DTWD2: variants seen among roughly 807,000 people sequenced by gnomAD.
DTWD2 encodes tRNA-uridine aminocarboxypropyltransferase 2.
Under a neutral mutation model 31.8 loss-of-function variants are expected in DTWD2, and 39 were observed. The observed-to-expected ratio is 1.22, with a 90% CI of 0.95 to 1.60. The LOEUF (loss-of-function observed/expected upper bound fraction) is 1.60. DTWD2 is among the 40% of genes most tolerant of loss of function. DTWD2 has a pLI of 0.00. For missense variants in DTWD2, 515 were observed against 381.5 expected (o/e 1.35, Z -2.92); for synonymous variants, 180 against 142.8 (o/e 1.26, Z -1.86).
chr5:118,880,650 A>G (rs1390272154), intron 4 of DTWD2, among the ~76,000 whole-genome samples: 1 of 152,198 alleles, frequency 6.6e-6, no homozygotes, highest in Non-Finnish European at 1.5e-5. Flanking sequence ...TGTATTCATT[A>G]TTCTGAAAAC....
intron 1 of DTWD2, among the ~76,000 whole-genome samples, chr5:118,976,946 C>T (rs777197797): frequency 2.3e-4 from 35 of 152,166 alleles, no homozygotes; most frequent in Admixed American, 4.6e-4. Flanking sequence ...CAATAAAATA[C>T]TGGGAAACTG....
chr5:118,924,401 G>A (rs895450149), intron 4 of DTWD2, among the ~76,000 whole-genome samples: 3 of 152,066 alleles, frequency 2.0e-5, no homozygotes, highest in Non-Finnish European at 4.4e-5. Flanking sequence ...AACCTCACCG[G>A]TACATGATCT....
chr5:118,904,223 T>G (rs2149567243), intron 4 of DTWD2, among the ~76,000 whole-genome samples: 1 of 152,184 alleles, frequency 6.6e-6, no homozygotes, highest in East Asian at 1.9e-4. Flanking sequence ...ATACACATGT[T>G]TTAACCCAAA....
intron 1 of DTWD2, among the ~76,000 whole-genome samples, chr5:118,969,694 C>G (rs1482919467): frequency 2.0e-5 from 3 of 152,074 alleles, no homozygotes. Context: ...GGTCAGCAAC[C>G]TCAAAGATAG....
intron 4 of DTWD2, among the ~76,000 whole-genome samples, chr5:118,923,969 G>C (rs925295551): frequency 2.0e-5 from 3 of 152,196 alleles, no homozygotes; most frequent in Non-Finnish European, 4.4e-5. Flanking sequence ...TTCAAGAGCT[G>C]TCATAATTGC....
At chr5:118,864,461 G>C (rs960932485) in intron 4 of DTWD2, among the ~76,000 whole-genome samples, 1 of 149,894 alleles carries the variant, frequency 6.7e-6, no homozygotes, top group Non-Finnish European at 1.5e-5. Context: ...CAGCACACCA[G>C]CATGGCACAT....
intron 4 of DTWD2, among the ~76,000 whole-genome samples, chr5:118,883,313 A>G (rs143500215): frequency 3.2e-4 from 49 of 152,290 alleles, no homozygotes; most frequent in African/African-American, 1.2e-3. Flanking sequence ...GGTCAAAACC[A>G]TTCAACAAGT....
At chr5:118,857,555 A>T (rs184362837) in intron 4 of DTWD2, among the ~76,000 whole-genome samples, 51 of 152,264 alleles carry the variant, frequency 3.3e-4, no homozygotes, top group African/African-American at 1.2e-3. Context: ...ATATATTACA[A>T]ATATCTTCTC....
chr5:118,947,107 G>A lies in DTWD2; in HGVS notation c.219-2458C>T, dbSNP rs143934061. Reference sequence around the variant, plus strand: ...CACAGCTCTCAACGCCTGGTGGGACGGGGAGCAGCAGGTGAGCAAGTGCAG... The same window carrying A: ...CACAGCTCTCAACGCCTGGTGGGACAGGGAGCAGCAGGTGAGCAAGTGCAG... On this transcript the variant is annotated intron_variant, in intron 1 of 5. Coordinates refer to ENST00000510708, the MANE Select transcript of DTWD2 (RefSeq NM_173666.4). 2.4e-3 allele frequency among the ~76,000 whole-genome samples: 367 copies of A among 152,218 alleles called. 7 individuals carry two copies. The highest frequency in any genetic ancestry group is 0.017 in the Middle Eastern group (5 of 294).
At chr5:118,971,400 A>G (rs1275157367) in intron 1 of DTWD2, among the ~76,000 whole-genome samples, 1 of 152,218 alleles carries the variant, frequency 6.6e-6, no homozygotes, top group Non-Finnish European at 1.5e-5. Context: ...GGCGTTATAT[A>G]TGGTAAAGGG....
intron 4 of DTWD2, among the ~76,000 whole-genome samples, chr5:118,885,946 C>A (rs1752854355): frequency 6.6e-6 from 1 of 152,046 alleles, no homozygotes; most frequent in Non-Finnish European, 1.5e-5. Flanking sequence ...GCCTAGGTAA[C>A]AGAGTGAGAA....
Position 118,838,827 on chromosome 5 carries a change from GT to G in DTWD2, c.*2089del, listed in dbSNP as rs1751636699. On this transcript the variant is annotated 3_prime_UTR_variant, in exon 6 of 6. Coordinates refer to ENST00000510708, the MANE Select transcript of DTWD2 (RefSeq NM_173666.4). ...GAAATTACTCTTAAAAATCAATAAA[GT>G]AAAATTTTGAGATACAAAATGGTAT... The G allele has an allele frequency of 6.6e-6, 1 of 152,000 alleles. No homozygotes were observed. Among genetic ancestry groups the G allele is most frequent in the African/African-American group, 2.4e-5 (1 of 41,374 alleles). The allele number at this position is 152,000 out of a possible 1,614,324, so 9.4% of individuals were successfully genotyped here.
rs113239236 is a variant in DTWD2 at position 118,981,969 on chromosome 5, T to C, written c.218+6325A>G. Among the ~76,000 whole-genome samples the C allele has an allele frequency of 5.7e-3, 870 of 152,320 alleles. 13 individuals carry two copies. The highest frequency in any genetic ancestry group is 0.02 in the African/African-American group (837 of 41,576). ...TATTATGTGGTGTAGCAATAATTCA[T>C]TATTATGTGGTGTAGCAATAAAAAT... On this transcript the variant is annotated intron_variant, in intron 1 of 5. Coordinates refer to ENST00000510708, the MANE Select transcript of DTWD2 (RefSeq NM_173666.4).
chr5:118,900,630 T>C (rs1315395878), intron 4 of DTWD2, among the ~76,000 whole-genome samples: 2 of 151,938 alleles, frequency 1.3e-5, no homozygotes, highest in Middle Eastern at 3.2e-3. Flanking sequence ...GATGAAAAAA[T>C]GACTCAAAAT....
chr5:118,837,117 A>G lies in DTWD2; in HGVS notation c.*3800T>C, dbSNP rs572843791. Among the ~76,000 whole-genome samples, 2 of 152,330 alleles carry G rather than the reference A, an allele frequency of 1.3e-5. No individual in the cohort carries two copies. Among genetic ancestry groups the G allele is most frequent in the South Asian group, 4.1e-4 (2 of 4,824 alleles). On this transcript the variant is annotated 3_prime_UTR_variant, in exon 6 of 6. Coordinates refer to ENST00000510708, the MANE Select transcript of DTWD2 (RefSeq NM_173666.4). ...AGCTAGTACATACAATAAGAATAGTATAAAAGGGAAGGGGAACAATGTAGG... is the reference window on the plus strand; with the variant it reads ...AGCTAGTACATACAATAAGAATAGTGTAAAAGGGAAGGGGAACAATGTAGG...
chr5:118,949,014 T>C (rs1580430475), intron 1 of DTWD2, among the ~76,000 whole-genome samples: 1 of 152,132 alleles, frequency 6.6e-6, no homozygotes, highest in Non-Finnish European at 1.5e-5. Flanking sequence ...ACGTGTGTTT[T>C]TATTAAGAAT....
At chr5:118,890,398 T>C (rs1021489853) in intron 4 of DTWD2, among the ~76,000 whole-genome samples, 1 of 152,072 alleles carries the variant, frequency 6.6e-6, no homozygotes, top group African/African-American at 2.4e-5. Flanking sequence ...CCACGTACCT[T>C]TGAAAACAAG....
At chr5:118,868,547 T>A (rs1752431205) in intron 4 of DTWD2, among the ~76,000 whole-genome samples, 1 of 152,056 alleles carries the variant, frequency 6.6e-6, no homozygotes, top group Non-Finnish European at 1.5e-5. Context: ...ATATTAAAAA[T>A]TCCTACAACT....
At chr5:118,965,299 C>T (rs1694883352) in intron 1 of DTWD2, among the ~76,000 whole-genome samples, 1 of 147,780 alleles carries the variant, frequency 6.8e-6, no homozygotes, top group Admixed American at 6.7e-5. Flanking sequence ...CCTCCCCGTC[C>T]GGGAGGTGGG....
Sources: allele counts gnomAD v4.1 joint callset (sites outside exome capture counted in the v4.1 genomes callset), GRCh38; gene constraint gnomAD v4.1.1; transcripts MANE v1.5; gene names NCBI Gene and HGNC (gene_info 2026-07-23, HGNC 2026-07-21).